RNF103: variants seen among roughly 807,000 people sequenced by gnomAD.
RNF103 encodes the protein E3 ubiquitin-protein ligase RNF103.
RNF103 carries 23 observed loss-of-function variants against 66.2 expected under a neutral mutation model. That is an observed-to-expected ratio of 0.35 (90% CI 0.25 to 0.49). The LOEUF (loss-of-function observed/expected upper bound fraction) is 0.49. Ranked by LOEUF, RNF103 falls within the 20% of genes least tolerant of loss-of-function variation. The probability of loss-of-function intolerance (pLI) is 0.98; values close to 1 mark genes in which losing one functional copy is unlikely to be tolerated. For missense variants in RNF103, 730 were observed against 814.7 expected, an observed-to-expected ratio of 0.90 and a Z score of 1.27; for synonymous variants, 297 against 289.9, an observed-to-expected ratio of 1.02 and a Z score of -0.25.
chr2:86,612,954 A>G (rs1355751712), intron 2 of RNF103: 1 of 152,248 alleles, frequency 6.6e-6, no homozygotes, highest in Non-Finnish European at 1.5e-5. Context: ...GGAAAAGCAA[A>G]AGATTCTTAA....
intron 3 of RNF103, among the ~76,000 whole-genome samples, chr2:86,607,396 G>T (rs79509313): frequency 0.044 from 6,729 of 152,280 alleles, 258 homozygotes; most frequent in East Asian, 0.14. Flanking sequence ...CTGTGATATA[G>T]TTTAAGATAA....
Position 86,604,486 on chromosome 2 carries a change from G to C in RNF103, c.1415C>G (p.Ser472Cys). ...AGATTCTACAGGAAAGTTCTGAAAAGAAGCAATCGGGTGGAAGAGGTAGCT... is the reference window on the plus strand; with the variant it reads ...AGATTCTACAGGAAAGTTCTGAAAACAAGCAATCGGGTGGAAGAGGTAGCT... ...YTSYLFHPIA[S>C]FQNFPVESDW... Residue 472 changes from serine (S) to cysteine (C), a missense_variant, in exon 4 of 4, where the codon TCT becomes TGT. Ser to Cys is a moderately radical substitution (Grantham distance 112, BLOSUM62 -1). Around this residue, in one of 3 missense-constraint regions of RNF103, gnomAD observed 355 missense variants for 351.9 expected, o/e 1.01. Transcript: ENST00000237455. 1 of 1,614,246 alleles carries C rather than the reference G, an allele frequency of 6.2e-7. No individual in the cohort carries two copies. Among genetic ancestry groups the C allele is most frequent in the Non-Finnish European group, 8.5e-7 (1 of 1,180,050 alleles).
At position 86,620,379 on chromosome 2, in the gene RNF103, T is replaced by C. The variant is rs755258807; in HGVS notation, c.317A>G (p.His106Arg). 2.5e-6 allele frequency: 4 copies of C among 1,608,712 alleles called. No individual in the cohort carries two copies. Among genetic ancestry groups the C allele is most frequent in the Non-Finnish European group, 2.6e-6 (3 of 1,176,032 alleles). ...VSSTNFSGEM[H>R]FYELVEDTKD... ...TGTGTCTTCCACAAGCTCATAGAAG[T>C]GCATTTCACCACTGAAATTGGTACT... Residue 106 changes from histidine to arginine, a missense_variant, in exon 2 of 4, where the codon CAC (histidine) becomes CGC (arginine). Transcript: ENST00000237455.
intron 3 of RNF103, among the ~76,000 whole-genome samples, chr2:86,609,544 G>A (rs1678705410): frequency 6.6e-6 from 1 of 151,742 alleles, no homozygotes; most frequent in Non-Finnish European, 1.5e-5. Context: ...CCGCCACCAC[G>A]CCTGGCTAAT....
At chr2:86,619,962 C>T (rs1679163233) in intron 2 of RNF103, among the ~76,000 whole-genome samples, 1 of 152,114 alleles carries the variant, frequency 6.6e-6, no homozygotes, top group Non-Finnish European at 1.5e-5. Context: ...ATTACTCAGG[C>T]CACTGAATTA....
Position 86,623,547 on chromosome 2 carries a change from CGGCGGCTCCAGGTTCGCTCGGGCCGGCT to C in RNF103, c.-689_-662del. On this transcript the variant is annotated 5_prime_UTR_variant, in exon 1 of 4. Coordinates refer to ENST00000237455, the MANE Select transcript of RNF103 (RefSeq NM_005667.4). ...TCCGCGAGAAGAGCGGCGGGCACGG[CGGCGGCTCCAGGTTCGCTCGGGCCGGCT>C]GGCGGGCGGCGCCTCTCAGGCGGGC... is the stretch of plus-strand genomic sequence containing the variant. 1 of 985,452 alleles carries C rather than the reference CGGCGGCTCCAGGTTCGCTCGGGCCGGCT, an allele frequency of 1.0e-6. No individual in the cohort carries two copies. The highest frequency in any genetic ancestry group is 1.2e-6 in the Non-Finnish European group (1 of 830,182). The allele number at this position is 985,452 out of a possible 1,614,324, so 61.0% of individuals were successfully genotyped here.
At position 86,623,208 on chromosome 2, in the gene RNF103, G is replaced by A. The variant is rs1329821046; in HGVS notation, c.-322C>T. On this transcript the variant is annotated 5_prime_UTR_variant, in exon 1 of 4. Transcript: ENST00000237455. Reference sequence around the variant, plus strand: ...GAGAGGGGCGCGGGGAGAGCTCGCGGGGAAGAACAAAACGAGGGACGCTTC... The same window carrying A: ...GAGAGGGGCGCGGGGAGAGCTCGCGAGGAAGAACAAAACGAGGGACGCTTC... The A allele has an allele frequency of 3.9e-6, 4 of 1,026,952 alleles. No homozygotes were observed. Among genetic ancestry groups the A allele is most frequent in the Non-Finnish European group, 4.7e-6 (4 of 859,100 alleles). The allele number at this position is 1,026,952 out of a possible 1,614,324, so 63.6% of individuals were successfully genotyped here.
intron 3 of RNF103, among the ~76,000 whole-genome samples, chr2:86,610,220 CA>C (rs1324740147): frequency 2.0e-5 from 3 of 151,958 alleles, no homozygotes; most frequent in Non-Finnish European, 4.4e-5. Context: ...CTACAATCAA[CA>C]AAAAAGCAAA....
intron 1 of RNF103, among the ~76,000 whole-genome samples, chr2:86,621,125 TAGC>T (rs1414403091): frequency 6.6e-6 from 1 of 152,226 alleles, no homozygotes; most frequent in African/African-American, 2.4e-5. Context: ...TGCACCATGA[TAGC>T]AGCAAAACCA....
rs1558681266 is a variant in RNF103 at position 86,604,171 on chromosome 2, G to A, written c.1730C>T (p.Ser577Leu). The change falls in exon 4 of 4, where the codon TCA becomes TTA. Residue 577 changes from serine (S) to leucine (L), a missense_variant. Ser to Leu is a moderately radical substitution (Grantham distance 145). This residue lies in a region of RNF103 where 355 missense variants were observed against 351.9 expected (regional missense o/e 1.01). Transcript: ENST00000237455. ...GGTCTGACAATATTTATTGGCACATGAACAAGCCTCAGCATCACAGTGACT... is the reference window on the plus strand; with the variant it reads ...GGTCTGACAATATTTATTGGCACATAAACAAGCCTCAGCATCACAGTGACT... ...TASHCDAEAC[S>L]CANKYCQTSP... The A allele has an allele frequency of 1.9e-6, 3 of 1,613,580 alleles. No homozygotes were observed. Among genetic ancestry groups the A allele is most frequent in the East Asian group, 2.2e-5 (1 of 44,894 alleles).
chr2:86,621,506 C>A (rs1679226855), intron 1 of RNF103, among the ~76,000 whole-genome samples: 2 of 152,114 alleles, frequency 1.3e-5, no homozygotes, highest in African/African-American at 4.8e-5. Flanking sequence ...GAATAATATA[C>A]GATTTTATAT....
intron 3 of RNF103, among the ~76,000 whole-genome samples, chr2:86,611,508 T>C (rs1678790715): frequency 6.6e-6 from 1 of 151,582 alleles, no homozygotes; most frequent in Non-Finnish European, 1.5e-5. Context: ...AATAATGGAA[T>C]AATAAAACAA....
In RNF103 at chr2:86,617,090, C is replaced by T. The variant is rs191997716; in HGVS notation, c.366+3240G>A. 5.1e-3 allele frequency: 5,057 copies of T among 985,160 alleles called. 12 individuals carry two copies. The highest frequency in any genetic ancestry group is 0.015 in the South Asian group (315 of 21,286). 61.0% of individuals were successfully genotyped at this position (985,160 alleles called of 1,614,324 possible). On this transcript the variant is annotated intron_variant, in intron 2 of 3. Coordinates refer to ENST00000237455, the MANE Select transcript of RNF103 (RefSeq NM_005667.4). ...TTAGAAAAAAGAGCACTTGGTTCTA[C>T]ATGTATTTCATAGTGTGTCATTGGT...
In RNF103 at chr2:86,604,749, A is replaced by G. The variant is rs1476457938; in HGVS notation, c.1152T>C (p.Asp384=). 3.7e-6 allele frequency: 6 copies of G among 1,614,060 alleles called. No individual in the cohort carries two copies. Among genetic ancestry groups the G allele is most frequent in the Non-Finnish European group, 5.1e-6 (6 of 1,180,016 alleles). The part of the protein sequence containing the change: ...VLGFLQLPYL[D]SFYEYSLKLL... ...ATTTTAAGCTATATTCATAAAAGCTATCTAAGTAAGGTAGCTGTAAAAAGC... is the reference window on the plus strand; with the variant it reads ...ATTTTAAGCTATATTCATAAAAGCTGTCTAAGTAAGGTAGCTGTAAAAAGC... Residue 384 remains aspartate (D), a synonymous_variant, in exon 4 of 4, where the codon GAT becomes GAC. Transcript: ENST00000237455.
chr2:86,613,474 G>A (rs1194072768), intron 2 of RNF103: 1 of 152,172 alleles, frequency 6.6e-6, no homozygotes, highest in African/African-American at 2.4e-5. Flanking sequence ...ATCTGTTTAA[G>A]TCCAGGGTAT....
In RNF103 at chr2:86,622,827, C is replaced by T. The variant is rs1304279564; in HGVS notation, c.60G>A (p.Arg20=). ...CATACCACACAATGGCCTCAAAAAA[C>T]CTGGCCAGGACGAACAGGACCAGGA... ...LYFLVLFVLA[R]FFEAIVWYET... Residue 20 remains arginine, a synonymous_variant, in exon 1 of 4, where the codon AGG becomes AGA. Transcript: ENST00000237455. 6.2e-7 allele frequency: 1 copy of T among 1,614,128 alleles called. No individual in the cohort carries two copies. Among genetic ancestry groups the T allele is most frequent in the South Asian group, 1.1e-5 (1 of 91,078 alleles).
intron 3 of RNF103, among the ~76,000 whole-genome samples, chr2:86,607,280 TTAAA>T (rs1230702524): frequency 3.9e-5 from 6 of 152,240 alleles, no homozygotes; most frequent in Admixed American, 3.9e-4. Context: ...TTATATTTTA[TTAAA>T]TAAACATATT....
At chr2:86,616,789 G>C (rs1484754741) in intron 2 of RNF103, 39 of 985,182 alleles carry the variant, frequency 4.0e-5, no homozygotes. Flanking sequence ...GTCCTTCTTT[G>C]AACTATGACA....
chr2:86,622,808 A>C lies in RNF103; in HGVS notation c.79T>G (p.Trp27Gly). ...GTGGCAAAGATGCCAGTTTCATACC[A>C]CACAATGGCCTCAAAAAACCTGGCC... ...VLARFFEAIVWYETGIFATQL... is the reference protein window; with the variant it reads ...VLARFFEAIVGYETGIFATQL... The change falls in exon 1 of 4, where the codon TGG (tryptophan) becomes GGG (glycine). Residue 27 changes from tryptophan (W) to glycine (G), a missense_variant. By Grantham distance (184) the Trp-to-Gly change is radical. Around this residue, in one of 3 missense-constraint regions of RNF103, gnomAD observed 327 missense variants for 369.8 expected, o/e 0.88. Transcript: ENST00000237455. 1 of 1,614,172 alleles carries C rather than the reference A, an allele frequency of 6.2e-7. No homozygotes were observed. Among genetic ancestry groups the C allele is most frequent in the Non-Finnish European group, 8.5e-7 (1 of 1,180,030 alleles).
Sources: gnomAD v4.1 joint callset for allele counts (sites outside exome capture counted in the v4.1 genomes callset) on GRCh38, gnomAD v4.1.1 for gene constraint, gnomAD v4.1.1 regional missense constraint, MANE v1.5 for transcripts, NCBI Gene and HGNC (gene_info 2026-07-23, HGNC 2026-07-21) for gene names.